Variants in DDR1 observed in about 807,000 individuals in gnomAD.
The protein encoded by DDR1 is discoidin domain receptor tyrosine kinase 1.
A neutral mutation model predicts 97.4 loss-of-function variants in DDR1; 64 were observed. The observed-to-expected ratio is 0.66, with a 90% confidence interval of 0.54 to 0.81. The LOEUF (loss-of-function observed/expected upper bound fraction) is 0.81. Ranked by LOEUF, DDR1 falls within the 30% of genes least tolerant of loss-of-function variation. DDR1 has a pLI of 0.00. For synonymous variants in DDR1, 458 were observed against 503.7 expected (o/e 0.91, Z 1.21); for missense variants, 990 against 1,259.6 (o/e 0.79, Z 3.24).
In DDR1 at chr6:30,892,682, C is replaced by T. The variant is rs144215389; in HGVS notation, c.1099+140C>T. ...CCGAAACTTCTCAATTAGGGGTGCCCCAAATAACTTGAGCCCCTTTCTGCC... is the reference window on the plus strand; with the variant it reads ...CCGAAACTTCTCAATTAGGGGTGCCTCAAATAACTTGAGCCCCTTTCTGCC... On this transcript the variant is annotated intron_variant, in intron 8 of 17. Coordinates refer to ENST00000376568, the MANE Select transcript of DDR1 (RefSeq NM_001297654.2). 3.5e-5 allele frequency: 42 copies of T among 1,198,046 alleles called. No individual in the cohort carries two copies. The East Asian group carries it at 1.0e-3, about 30-fold the overall frequency. The allele number at this position is 1,198,046 out of a possible 1,614,324, so 74.2% of individuals were successfully genotyped here. A position where few individuals can be genotyped will look rare whatever the true frequency, so the allele number is the denominator to read the frequency against.
intron 1 of DDR1, chr6:30,885,881 G>T: frequency 2.4e-6 from 3 of 1,239,564 alleles, no homozygotes; most frequent in South Asian, 2.5e-5. Flanking sequence ...GGGACTTGGG[G>T]GTTGGGAGAG....
At position 30,891,545 on chromosome 6, in the gene DDR1, G is replaced by GTGTGTGTGTGTGTT; in HGVS notation, c.665+78_665+79insTTTGTGTGTGTGTG. 4 of 930,582 alleles carry GTGTGTGTGTGTGTT rather than the reference G, an allele frequency of 4.3e-6. No homozygotes were observed. The highest frequency in any genetic ancestry group is 2.1e-5 in the Admixed American group (1 of 47,568). The allele number at this position is 930,582 out of a possible 1,614,324, so 57.6% of individuals were successfully genotyped here. On this transcript the variant is annotated intron_variant, in intron 6 of 17. Transcript: ENST00000376568. This position sits in a 1 kb window ranked among gnomAD's most constrained non-coding sequence, Gnocchi z 5.3. ...GGGAGGACTGTGTGTGTGTGTGTGT[G>GTGTGTGTGTGTGTT]TGTGTGTGTGTGAGAGTGTGTGTGT...
rs369128143 is a variant in DDR1 at position 30,897,433 on chromosome 6, C to A, written c.2052C>A (p.Ile684=). 6.2e-7 allele frequency: 1 copy of A among 1,614,164 alleles called. No individual in the cohort carries two copies. Among genetic ancestry groups the A allele is most frequent in the African/African-American group, 1.3e-5 (1 of 75,034 alleles). ...TGTCGAGGCTCAAGGACCCAAACAT[C>A]ATTCGGCTGCTGGGCGTGTGTGTGC... The part of the protein sequence containing the change: ...KIMSRLKDPN[I]IRLLGVCVQD... Residue 684 remains isoleucine, a synonymous_variant, in exon 15 of 18, where the codon ATC becomes ATA. Coordinates refer to ENST00000376568, the MANE Select transcript of DDR1 (RefSeq NM_001297654.2). This position sits in a 1 kb window ranked among gnomAD's most constrained non-coding sequence, Gnocchi z 5.2.
chr6:30,892,119 C>T lies in DDR1; in HGVS notation c.783C>T (p.His261=), dbSNP rs761897828. The T allele has an allele frequency of 1.2e-6, 2 of 1,614,198 alleles. No homozygotes were observed. Among genetic ancestry groups the T allele is most frequent in the South Asian group, 2.2e-5 (2 of 91,078 alleles). Residue 261 remains histidine, a synonymous_variant, in exon 7 of 18, where the codon CAC becomes CAT. Coordinates refer to ENST00000376568, the MANE Select transcript of DDR1 (RefSeq NM_001297654.2). ...PGYDYVGWSN[H]SFSSGYVEME... ...ATGACTATGTGGGATGGAGCAACCA[C>T]AGCTTCTCCAGTGGCTATGTGGAGA...
rs1174281988 is a variant in DDR1, at chr6:30,898,956, T to C, written c.2520T>C (p.Cys840=). The C allele has an allele frequency of 1.2e-6, 2 of 1,613,966 alleles. No individual in the cohort carries two copies. Among genetic ancestry groups the C allele is most frequent in the Non-Finnish European group, 1.7e-6 (2 of 1,179,988 alleles). The change falls in exon 17 of 18, where the codon TGT becomes TGC. Residue 840 remains cysteine (C), a synonymous_variant. Coordinates refer to ENST00000376568, the MANE Select transcript of DDR1 (RefSeq NM_001297654.2). The stretch of plus-strand genomic sequence containing the variant: ...CCCTGTGGGAGGTGCTGATGCTCTG[T>C]AGGGCCCAGCCCTTTGGGCAGCTCA... ...GVTLWEVLML[C]RAQPFGQLTD... is the part of the protein sequence containing the mutation.
Position 30,897,591 on chromosome 6 carries a change from C to T in DDR1, c.2210C>T (p.Thr737Ile). The change falls in exon 15 of 18, where the codon ACC becomes ATC. Residue 737 changes from threonine (T) to isoleucine (I), a missense_variant. Physicochemically the swap from Thr to Ile is moderately conservative, Grantham distance 89. Transcript: ENST00000376568. This position sits in a 1 kb window ranked among gnomAD's most constrained non-coding sequence, Gnocchi z 5.2. Reference sequence around the variant, plus strand: ...GACGGGCAGGCTGCGCAGGGGCCCACCATCAGGTACCTGCTTACCCAGGCT... The same window carrying T: ...GACGGGCAGGCTGCGCAGGGGCCCATCATCAGGTACCTGCTTACCCAGGCT... ...PGDGQAAQGP[T>I]ISYPMLLHVA... is the part of the protein sequence containing the mutation. 6.2e-7 allele frequency: 1 copy of T among 1,609,236 alleles called. No homozygotes were observed. Among genetic ancestry groups the T allele is most frequent in the South Asian group, 1.1e-5 (1 of 90,956 alleles).
chr6:30,893,165 T>A lies in DDR1; in HGVS notation c.1195+2T>A, dbSNP rs1246747890. 1 of 1,606,802 alleles carries A rather than the reference T, an allele frequency of 6.2e-7. No individual in the cohort carries two copies. The highest frequency in any genetic ancestry group is 8.5e-7 in the Non-Finnish European group (1 of 1,179,138). ...CTCCCACCAACTTCAGCAGCTTGGG[T>A]GAGCAATCTTGGGTGGGCGTGTGGA... On this transcript the variant is annotated splice_donor_variant, in intron 9 of 17. Transcript: ENST00000376568. LOFTEE classifies it high-confidence loss of function.
In DDR1 at chr6:30,889,260, G is replaced by T; in HGVS notation, c.247G>T (p.Glu83Ter). The T allele has an allele frequency of 6.2e-7, 1 of 1,613,042 alleles. No homozygotes were observed. The highest frequency in any genetic ancestry group is 8.5e-7 in the Non-Finnish European group (1 of 1,180,004). ...WCPAGSVFPK[E>*]EEYLQVDLQR... ...CCCCGCAGGGTCGGTGTTTCCCAAG[G>T]AGGAGGAGTACTTGCAGGTGGATCT... Residue 83 changes from glutamate to a stop codon, truncating the protein, a stop_gained, in exon 4 of 18, where the codon GAG becomes TAG. Transcript: ENST00000376568. LOFTEE classifies it high-confidence loss of function. This position sits in a 1 kb window ranked among gnomAD's most constrained non-coding sequence, Gnocchi z 4.9.
chr6:30,888,706 C>T lies in DDR1; in HGVS notation c.-24C>T. The T allele has an allele frequency of 1.9e-6, 3 of 1,612,626 alleles. No homozygotes were observed. Among genetic ancestry groups the T allele is most frequent in the South Asian group, 2.2e-5 (2 of 90,946 alleles). On this transcript the variant is annotated 5_prime_UTR_variant, in exon 2 of 18. Coordinates refer to ENST00000376568, the MANE Select transcript of DDR1 (RefSeq NM_001297654.2). This position sits in a 1 kb window ranked among gnomAD's most constrained non-coding sequence, Gnocchi z 4.2. Reference sequence around the variant, plus strand: ...CCTGCAGAGATGCTGCCCCCACCCCCTTAGGCCCGAGGGATCAGGAGCTAT... The same window carrying T: ...CCTGCAGAGATGCTGCCCCCACCCCTTTAGGCCCGAGGGATCAGGAGCTAT...
In DDR1 at chr6:30,889,295, G is replaced by A. The variant is rs2229933; in HGVS notation, c.282G>A (p.Leu94=). The change falls in exon 4 of 18, where the codon CTG becomes CTA. Residue 94 remains leucine (L), a synonymous_variant. Coordinates refer to ENST00000376568, the MANE Select transcript of DDR1 (RefSeq NM_001297654.2). This position sits in a 1 kb window ranked among gnomAD's most constrained non-coding sequence, Gnocchi z 4.9. ...EEYLQVDLQR[L]HLVALVGTQG... is the part of the protein sequence containing the mutation. ...ACTTGCAGGTGGATCTACAACGACTGCACCTGGTGGCTCTGGTGGGCACCC... is the reference window on the plus strand; with the variant it reads ...ACTTGCAGGTGGATCTACAACGACTACACCTGGTGGCTCTGGTGGGCACCC... The A allele has an allele frequency of 6.2e-7, 1 of 1,612,734 alleles. No individual in the cohort carries two copies. The highest frequency in any genetic ancestry group is 1.1e-5 in the South Asian group (1 of 91,062).
In DDR1 at chr6:30,899,632, C is replaced by T; in HGVS notation, c.*336C>T. 2.4e-6 allele frequency: 1 copy of T among 414,288 alleles called. No homozygotes were observed. Among genetic ancestry groups the T allele is most frequent in the Non-Finnish European group, 4.3e-6 (1 of 229,914 alleles). 25.7% of individuals were successfully genotyped at this position (414,288 alleles called of 1,614,324 possible). On this transcript the variant is annotated 3_prime_UTR_variant, in exon 18 of 18. Coordinates refer to ENST00000376568, the MANE Select transcript of DDR1 (RefSeq NM_001297654.2). ...TATAGGATAGACACTGGACATGGCC[C>T]ATTGGAGCACCTGGGCCCCACTGGA...
chr6:30,885,806 A>G, intron 1 of DDR1: 2 of 1,290,020 alleles, frequency 1.6e-6, no homozygotes, highest in Non-Finnish European at 2.0e-6. Context: ...GTTTACAGCC[A>G]GTTCAGTAAG....
Position 30,891,496 on chromosome 6 carries a change from C to T in DDR1, c.665+17C>T. The T allele has an allele frequency of 6.3e-7, 1 of 1,576,972 alleles. No homozygotes were observed. The highest frequency in any genetic ancestry group is 8.7e-7 in the Non-Finnish European group (1 of 1,152,670). ...CGTGGGCGGGTAAGAAAGGCCCCTG[C>T]AGGATATGGAGTTTGGGGTGGGAGG... On this transcript the variant is annotated intron_variant, in intron 6 of 17. Coordinates refer to ENST00000376568, the MANE Select transcript of DDR1 (RefSeq NM_001297654.2). This position sits in a 1 kb window ranked among gnomAD's most constrained non-coding sequence, Gnocchi z 5.3.
rs1562376576 is a variant in DDR1 at position 30,889,383 on chromosome 6, CGG to C, written c.372_373del (p.Asp125TrpfsTer20). 8.8e-6 allele frequency: 14 copies of C among 1,597,378 alleles called. No individual in the cohort carries two copies. The highest frequency in any genetic ancestry group is 1.3e-5 in the African/African-American group (1 of 74,726). On this transcript the variant is annotated frameshift_variant, in exon 4 of 18. Coordinates refer to ENST00000376568, the MANE Select transcript of DDR1 (RefSeq NM_001297654.2). LOFTEE classifies it high-confidence loss of function. This position sits in a 1 kb window ranked among gnomAD's most constrained non-coding sequence, Gnocchi z 4.9. Reference sequence around the variant, plus strand: ...CCGGAGCTACCGGCTGCGTTACTCCCGGGATGGTCGCCGCTGGATGGGCTGGA... The same window carrying C: ...CCGGAGCTACCGGCTGCGTTACTCCCGATGGTCGCCGCTGGATGGGCTGGA... ...FSRSYRLRYSRDGRRWMGWKD... is the reference protein window; with the variant it reads ...FSRSYRLRYSXDGRRWMGWKD...
rs957945326 is a variant in DDR1 at position 30,894,027 on chromosome 6, A to C, written c.1348-479A>C. Among the ~76,000 whole-genome samples, 3 of 152,060 alleles carry C rather than the reference A, an allele frequency of 2.0e-5. No homozygotes were observed. Among genetic ancestry groups the C allele is most frequent in the Admixed American group, 6.5e-5 (1 of 15,270 alleles). On this transcript the variant is annotated intron_variant, in intron 10 of 17. Transcript: ENST00000376568. This position sits in a 1 kb window ranked among gnomAD's most constrained non-coding sequence, Gnocchi z 5.7. ...CACTTTGGGAGGCCGAGGCGGGAGG[A>C]TCACCTGAGGTCAAGAGTTCGAGAC...
chr6:30,889,342 TGGGCAAGGA>T lies in DDR1; in HGVS notation c.331_339del (p.Gly111_Glu113del). Reference sequence around the variant, plus strand: ...ACCCAGGGACGGCATGCCGGGGGCCTGGGCAAGGAGTTCTCCCGGAGCTACCGGCTGCGT... The same window carrying T: ...ACCCAGGGACGGCATGCCGGGGGCCTGTTCTCCCGGAGCTACCGGCTGCGT... On this transcript the variant is annotated inframe_deletion, in exon 4 of 18. Coordinates refer to ENST00000376568, the MANE Select transcript of DDR1 (RefSeq NM_001297654.2). This position sits in a 1 kb window ranked among gnomAD's most constrained non-coding sequence, Gnocchi z 4.9. 6.2e-7 allele frequency: 1 copy of T among 1,611,920 alleles called. No homozygotes were observed. The highest frequency in any genetic ancestry group is 8.5e-7 in the Non-Finnish European group (1 of 1,179,510).
Position 30,892,128 on chromosome 6 carries a change from C to G in DDR1, c.792C>G (p.Ser264=). 6.2e-7 allele frequency: 1 copy of G among 1,614,182 alleles called. No homozygotes were observed. Among genetic ancestry groups the G allele is most frequent in the South Asian group, 1.1e-5 (1 of 91,084 alleles). Residue 264 remains serine (S), a synonymous_variant, in exon 7 of 18, where the codon TCC becomes TCG. Coordinates refer to ENST00000376568, the MANE Select transcript of DDR1 (RefSeq NM_001297654.2). ...DYVGWSNHSF[S]SGYVEMEFEF... is the part of the protein sequence containing the mutation. Reference sequence around the variant, plus strand: ...TGGGATGGAGCAACCACAGCTTCTCCAGTGGCTATGTGGAGATGGAGTTTG... The same window carrying G: ...TGGGATGGAGCAACCACAGCTTCTCGAGTGGCTATGTGGAGATGGAGTTTG...
rs766789217 is a variant in DDR1 at position 30,897,412 on chromosome 6, G to A, written c.2031G>A (p.Ser677=). 21 of 1,613,948 alleles carry A rather than the reference G, an allele frequency of 1.3e-5. No individual in the cohort carries two copies. Among genetic ancestry groups the A allele is most frequent in the African/African-American group, 6.7e-5 (5 of 74,876 alleles). ...NDFLKEVKIM[S]RLKDPNIIRL... ...TCCTGAAAGAGGTGAAGATCATGTC[G>A]AGGCTCAAGGACCCAAACATCATTC... The change falls in exon 15 of 18, where the codon TCG becomes TCA. Residue 677 remains serine (S), a synonymous_variant. Transcript: ENST00000376568. This position sits in a 1 kb window ranked among gnomAD's most constrained non-coding sequence, Gnocchi z 5.2.
At position 30,893,171 on chromosome 6, in the gene DDR1, A is replaced by G. The variant is rs765244466; in HGVS notation, c.1195+8A>G. On this transcript the variant is annotated splice_region_variant and intron_variant, in intron 9 of 17. Transcript: ENST00000376568. ...CCAACTTCAGCAGCTTGGGTGAGCA[A>G]TCTTGGGTGGGCGTGTGGACCCTCT... 23 of 1,605,930 alleles carry G rather than the reference A, an allele frequency of 1.4e-5. No homozygotes were observed. The highest frequency in any genetic ancestry group is 1.9e-5 in the Non-Finnish European group (22 of 1,178,880).
Sources: gnomAD v4.1 joint callset for allele counts (sites outside exome capture counted in the v4.1 genomes callset) on GRCh38, gnomAD v4.1.1 for gene constraint, Gnocchi (gnomAD v3.1) non-coding constraint, MANE v1.5 for transcripts, NCBI Gene and HGNC (gene_info 2026-07-23, HGNC 2026-07-21) for gene names.